GUCY1A2: variants seen among roughly 807,000 people sequenced by gnomAD.
GUCY1A2 encodes the protein guanylate cyclase soluble subunit alpha-2.
GUCY1A2 carries 27 observed loss-of-function variants against 63.5 expected under a neutral mutation model. The observed-to-expected ratio is 0.43, with a 90% CI of 0.31 to 0.59. The LOEUF is 0.59. Among genes scored for constraint, GUCY1A2 ranks in the 20% least tolerant of loss-of-function variants. The pLI is 0.11. For missense variants in GUCY1A2, 768 were observed against 913.3 expected, an observed-to-expected ratio of 0.84 and a Z score of 2.05; for synonymous variants, 364 against 343.5, an observed-to-expected ratio of 1.06 and a Z score of -0.66.
chr11:106,799,380 G>T (rs777026337), intron 5 of GUCY1A2, among the ~76,000 whole-genome samples: 1 of 152,078 alleles, frequency 6.6e-6, no homozygotes, highest in Admixed American at 6.5e-5. Flanking sequence ...TTTCTTCACA[G>T]AATTGGAAAA....
At chr11:106,761,865 G>T (rs542082434) in intron 6 of GUCY1A2, among the ~76,000 whole-genome samples, 1 of 152,184 alleles carries the variant, frequency 6.6e-6, no homozygotes, top group African/African-American at 2.4e-5. Context: ...AAAATGAAGA[G>T]AAAAATAACA....
At chr11:106,808,125 C>T (rs1858716396) in intron 5 of GUCY1A2, among the ~76,000 whole-genome samples, 1 of 152,106 alleles carries the variant, frequency 6.6e-6, no homozygotes, top group Non-Finnish European at 1.5e-5. Flanking sequence ...TCCCATCCCT[C>T]TAGAGAACCC....
intron 4 of GUCY1A2, among the ~76,000 whole-genome samples, chr11:106,829,576 A>G (rs566839309): frequency 1.3e-5 from 2 of 152,316 alleles, no homozygotes; most frequent in East Asian, 3.9e-4. Flanking sequence ...TGAAGGATGC[A>G]AAGTATTGAA....
At chr11:106,978,765 A>C in intron 2 of GUCY1A2, 25 bp from the exon 3 acceptor site, 2 of 1,576,936 alleles carry the variant, frequency 1.3e-6, no homozygotes, top group Non-Finnish European at 1.7e-6. Context: ...AAATTAGCAT[A>C]AGGAGAAATT....
Position 106,677,324 on chromosome 11 carries a change from C to T in GUCY1A2, c.*10225G>A, listed in dbSNP as rs1862363579. ...GTATATAAACCATTCATTTCACATT[C>T]ATCAAGAATTTTATTCATGAACACC... On this transcript the variant is annotated 3_prime_UTR_variant, in exon 8 of 8. Transcript: ENST00000526355. The T allele has an allele frequency of 4.6e-6, 1 of 215,084 alleles. No homozygotes were observed. The highest frequency in any genetic ancestry group is 2.3e-5 in the African/African-American group (1 of 44,344). The allele number at this position is 215,084 out of a possible 1,614,324, so 13.3% of individuals were successfully genotyped here.
intron 2 of GUCY1A2, among the ~76,000 whole-genome samples, chr11:106,983,350 A>G (rs1861362039): frequency 6.6e-6 from 1 of 152,246 alleles, no homozygotes; most frequent in Non-Finnish European, 1.5e-5. Flanking sequence ...TAATGTTTAA[A>G]GATAAAGTGG....
At chr11:106,828,099 A>G (rs1469685129) in intron 4 of GUCY1A2, among the ~76,000 whole-genome samples, 1 of 151,794 alleles carries the variant, frequency 6.6e-6, no homozygotes, top group Non-Finnish European at 1.5e-5. Flanking sequence ...CATTCTGGCT[A>G]TTAGTTCTTT....
At chr11:106,827,851 T>C (rs902772830) in intron 4 of GUCY1A2, 5 of 1,600,050 alleles carry the variant, frequency 3.1e-6, no homozygotes, top group Non-Finnish European at 4.3e-6. Flanking sequence ...CCGACCACCA[T>C]GAACTTCCCT....
intron 1 of GUCY1A2, among the ~76,000 whole-genome samples, chr11:106,986,498 C>A (rs969408628): frequency 2.0e-5 from 3 of 152,116 alleles, no homozygotes; most frequent in East Asian, 1.9e-4. Context: ...TCCTTTCCAG[C>A]ATATGTAATC....
chr11:106,816,844 A>G (rs1047289525), intron 4 of GUCY1A2, among the ~76,000 whole-genome samples: 2 of 151,974 alleles, frequency 1.3e-5, no homozygotes, highest in African/African-American at 2.4e-5. Context: ...AAAATTTGAC[A>G]GTTTAAATGA....
chr11:106,963,061 T>C (rs1451618293), intron 3 of GUCY1A2, among the ~76,000 whole-genome samples: 2 of 152,156 alleles, frequency 1.3e-5, no homozygotes. Flanking sequence ...CCTGTGTAAC[T>C]AATTCTACAC....
At chr11:106,764,348 T>C (rs1288085470) in intron 6 of GUCY1A2, among the ~76,000 whole-genome samples, 2 of 152,092 alleles carry the variant, frequency 1.3e-5, no homozygotes, top group Admixed American at 6.6e-5. Context: ...CCAGTTGTAT[T>C]GTGAGTGGCA....
chr11:107,008,001 G>A (rs757054073), intron 1 of GUCY1A2, among the ~76,000 whole-genome samples: 8 of 149,704 alleles, frequency 5.3e-5, no homozygotes, highest in African/African-American at 1.2e-4. Context: ...CATACTATCC[G>A]GCCTGGTGCG....
chr11:106,881,947 A>T (rs909023313), intron 4 of GUCY1A2, among the ~76,000 whole-genome samples: 1 of 152,006 alleles, frequency 6.6e-6, no homozygotes, highest in East Asian at 1.9e-4. Context: ...ATCAATCAAA[A>T]ATCCTTCAGA....
At chr11:106,959,284 G>A (rs1243590552) in intron 3 of GUCY1A2, among the ~76,000 whole-genome samples, 2 of 152,106 alleles carry the variant, frequency 1.3e-5, no homozygotes, top group African/African-American at 2.4e-5. Flanking sequence ...TTATTTTAGA[G>A]GAAACTATCA....
intron 6 of GUCY1A2, among the ~76,000 whole-genome samples, chr11:106,775,788 TG>T (rs1307531495): frequency 6.7e-6 from 1 of 149,752 alleles, no homozygotes; most frequent in Non-Finnish European, 1.5e-5. Context: ...ATAAGATTTC[TG>T]ATTTCAAAGT....
At chr11:106,824,731 A>G (rs974656449) in intron 4 of GUCY1A2, 12 of 1,420,162 alleles carry the variant, frequency 8.4e-6, no homozygotes, top group Non-Finnish European at 1.1e-5. Context: ...ATTTTGAAAT[A>G]TTTAATCTCA....
intron 7 of GUCY1A2, among the ~76,000 whole-genome samples, chr11:106,704,490 T>C (rs1862872758): frequency 1.3e-5 from 2 of 152,210 alleles, no homozygotes; most frequent in Admixed American, 1.3e-4. Flanking sequence ...TGCTCGACTG[T>C]ACATGCTCTC....
intron 3 of GUCY1A2, among the ~76,000 whole-genome samples, chr11:106,955,336 T>A (rs1363346814): frequency 6.6e-6 from 1 of 152,206 alleles, no homozygotes; most frequent in Non-Finnish European, 1.5e-5. Context: ...TGAATTTGAT[T>A]CTGTCAACAT....
Sources: gnomAD v4.1 joint callset for allele counts (sites outside exome capture counted in the v4.1 genomes callset) on GRCh38, gnomAD v4.1.1 for gene constraint, MANE v1.5 for transcripts, NCBI Gene and HGNC (gene_info 2026-07-23, HGNC 2026-07-21) for gene names.